Variants in TMEM232 observed in about 807,000 individuals in gnomAD.
TMEM232 encodes the protein transmembrane protein 232.
Under a neutral mutation model 78.8 loss-of-function variants are expected in TMEM232, and 80 were observed. That is an observed-to-expected ratio of 1.01 (90% CI 0.85 to 1.22). The LOEUF (loss-of-function observed/expected upper bound fraction) is 1.22. Ranked by LOEUF, TMEM232 falls within the 50% of genes most tolerant of loss-of-function variation. The pLI is 0.00. For missense variants in TMEM232, 881 were observed against 742.2 expected (o/e 1.19, Z -2.17); for synonymous variants, 297 against 254.3 (o/e 1.17, Z -1.60).
In TMEM232 at chr5:110,517,230, T is replaced by A. The variant is rs73785476; in HGVS notation, c.1703+11358A>T. Among the ~76,000 whole-genome samples, 1,131 of 152,304 alleles carry A rather than the reference T, an allele frequency of 7.4e-3. 11 individuals carry two copies. The highest frequency in any genetic ancestry group is 0.026 in the African/African-American group (1,090 of 41,558). ...CCTGTGGGGTTTCAGCATGCTCAGGTGTTGATTCACTCTATTAATTCGATT... is the reference window on the plus strand; with the variant it reads ...CCTGTGGGGTTTCAGCATGCTCAGGAGTTGATTCACTCTATTAATTCGATT... On this transcript the variant is annotated intron_variant, in intron 12 of 13. Transcript: ENST00000455884.
intron 5 of TMEM232, chr5:110,629,046 G>A (rs1036110416): frequency 6.6e-6 from 1 of 151,796 alleles, no homozygotes; most frequent in Non-Finnish European, 1.5e-5. Context: ...TGTTTATAAG[G>A]CAACAACTTT....
intron 5 of TMEM232, among the ~76,000 whole-genome samples, chr5:110,631,541 C>T (rs1245879082): frequency 6.6e-6 from 1 of 152,146 alleles, no homozygotes; most frequent in Non-Finnish European, 1.5e-5. Context: ...CCTCTGCAGG[C>T]CCAGCCACTG....
At chr5:110,487,370 G>A (rs1034162380) in intron 12 of TMEM232, among the ~76,000 whole-genome samples, 2 of 152,028 alleles carry the variant, frequency 1.3e-5, no homozygotes, top group Non-Finnish European at 2.9e-5. Flanking sequence ...GTGAGAGTGG[G>A]CATCCTTGTC....
intron 2 of TMEM232, among the ~76,000 whole-genome samples, chr5:110,412,738 C>A (rs1756044929): frequency 6.6e-6 from 1 of 152,052 alleles, no homozygotes; most frequent in South Asian, 2.1e-4. Context: ...TGGAAAGATA[C>A]TAGGACCCAT....
At chr5:110,613,739 A>C (rs1034705398) in intron 8 of TMEM232, among the ~76,000 whole-genome samples, 3 of 152,096 alleles carry the variant, frequency 2.0e-5, no homozygotes, top group African/African-American at 7.2e-5. Context: ...AGTACATAAG[A>C]CCAATATTAA....
At chr5:110,420,786 G>C (rs1316159018) in intron 13 of TMEM232, 30 bp from the exon 14 acceptor site, 1 of 1,482,582 alleles carries the variant, frequency 6.7e-7, no homozygotes, top group East Asian at 2.6e-5. Flanking sequence ...TCATTCACAT[G>C]ATTTTCCATG....
intron 1 of TMEM232, among the ~76,000 whole-genome samples, chr5:110,675,736 A>T (rs1327951197): frequency 2.6e-5 from 4 of 152,218 alleles, no homozygotes; most frequent in African/African-American, 4.8e-5. Flanking sequence ...TGATTACTAC[A>T]ATCAGGCTAA....
intron 2 of TMEM232, among the ~76,000 whole-genome samples, chr5:110,401,153 A>G (rs1755576167): frequency 6.6e-6 from 1 of 152,078 alleles, no homozygotes; most frequent in Non-Finnish European, 1.5e-5. Flanking sequence ...ATGGATCTGA[A>G]CAGTAATGTC....
intron 1 of TMEM232, among the ~76,000 whole-genome samples, chr5:110,735,709 TTG>T (rs1799090064): frequency 6.6e-6 from 1 of 152,174 alleles, no homozygotes; most frequent in Non-Finnish European, 1.5e-5. Context: ...ATAAACGACA[TTG>T]TGTTTCCCCC....
chr5:110,590,993 A>G (rs1346575849), intron 10 of TMEM232, among the ~76,000 whole-genome samples: 1 of 152,170 alleles, frequency 6.6e-6, no homozygotes, highest in Admixed American at 6.6e-5. Context: ...TGGAGATTAT[A>G]GGTCTCTCCC....
chr5:110,427,846 G>GT (rs1455538726), intron 12 of TMEM232, among the ~76,000 whole-genome samples: 1 of 151,334 alleles, frequency 6.6e-6, no homozygotes, highest in Non-Finnish European at 1.5e-5. Context: ...TTAATTTTTT[G>GT]TTTTTTATTT....
intron 10 of TMEM232, among the ~76,000 whole-genome samples, chr5:110,577,744 C>G (rs1777729605): frequency 6.6e-6 from 1 of 151,954 alleles, no homozygotes; most frequent in Non-Finnish European, 1.5e-5. Flanking sequence ...AGCTTAAGGC[C>G]ATTATCCTTA....
intron 11 of TMEM232, among the ~76,000 whole-genome samples, chr5:110,544,640 A>C (rs1343513059): frequency 2.0e-5 from 3 of 152,088 alleles, no homozygotes; most frequent in Non-Finnish European, 4.4e-5. Context: ...CCTTTTTAAC[A>C]TGTCTTTACC....
At chr5:110,428,820 A>ACTCT (rs1468822544) in intron 12 of TMEM232, among the ~76,000 whole-genome samples, 2 of 151,178 alleles carry the variant, frequency 1.3e-5, no homozygotes, top group South Asian at 4.2e-4. Flanking sequence ...ACAAAAACTC[A>ACTCT]CTCTCTCTCC....
At chr5:110,516,703 C>T (rs1197883056) in intron 12 of TMEM232, among the ~76,000 whole-genome samples, 2 of 148,006 alleles carry the variant, frequency 1.4e-5, no homozygotes, top group African/African-American at 5.1e-5. Flanking sequence ...GCAAAATGAT[C>T]AATTTTCTTC....
At position 110,657,842 on chromosome 5, in the gene TMEM232, G is replaced by A. The variant is rs1032043004; in HGVS notation, c.125+9386C>T. On this transcript the variant is annotated intron_variant, in intron 2 of 13. Transcript: ENST00000455884. Reference sequence around the variant, plus strand: ...AGAGAAAAACAGAACCCAGATTTTAGGGTGCTAATCAATATATAGAGAAAC... The same window carrying A: ...AGAGAAAAACAGAACCCAGATTTTAAGGTGCTAATCAATATATAGAGAAAC... Among the ~76,000 whole-genome samples, 3 of 152,156 alleles carry A rather than the reference G, an allele frequency of 2.0e-5. No homozygotes were observed. The South Asian group carries it at 6.2e-4, about 32-fold the overall frequency.
chr5:110,611,287 T>C (rs1229456050), intron 8 of TMEM232, among the ~76,000 whole-genome samples: 1 of 152,162 alleles, frequency 6.6e-6, no homozygotes, highest in Non-Finnish European at 1.5e-5. Context: ...AGGGAAACTA[T>C]TTTAAAGAAT....
intron 6 of TMEM232, among the ~76,000 whole-genome samples, chr5:110,626,326 T>C (rs1784421085): frequency 6.6e-6 from 1 of 151,962 alleles, no homozygotes; most frequent in African/African-American, 2.4e-5. Flanking sequence ...CTGTGAGGAG[T>C]TAAGAAGTAG....
chr5:110,734,576 T>C (rs1029531753), intron 2 of TMEM232, among the ~76,000 whole-genome samples: 1 of 152,192 alleles, frequency 6.6e-6, no homozygotes, highest in Non-Finnish European at 1.5e-5. Flanking sequence ...ATAAATGCTA[T>C]AGCCTATCAA....
Sources: allele counts gnomAD v4.1 joint callset (sites outside exome capture counted in the v4.1 genomes callset), GRCh38; gene constraint gnomAD v4.1.1; transcripts MANE v1.5; gene names NCBI Gene and HGNC (gene_info 2026-07-23, HGNC 2026-07-21).